CNTNAP3B: variants seen among roughly 807,000 people sequenced by gnomAD.
CNTNAP3B encodes the protein contactin-associated protein-like 3B.
Under a neutral mutation model 108.9 loss-of-function variants are expected in CNTNAP3B, and 25 were observed. The ratio of observed to expected loss-of-function variants is 0.23; its 90% CI spans 0.17 to 0.32. CNTNAP3B has a LOEUF of 0.32. CNTNAP3B is among the 10% of genes least tolerant of loss of function. The pLI is 1.00. For missense variants in CNTNAP3B, 252 were observed against 1,210.4 expected (o/e 0.21, Z 11.75); for synonymous variants, 103 against 473.4 (o/e 0.22, Z 10.16).
chr9:42,084,337 A>G (rs1229537767), intron 2 of CNTNAP3B, among the ~76,000 whole-genome samples: 1 of 119,688 alleles, frequency 8.4e-6, no homozygotes, highest in Non-Finnish European at 1.8e-5. Context: ...CAAATGGGGC[A>G]TATGCGGAGA....
At chr9:42,127,853 C>A (rs1383655870) in intron 1 of CNTNAP3B, among the ~76,000 whole-genome samples, 2 of 138,708 alleles carry the variant, frequency 1.4e-5, no homozygotes, top group Non-Finnish European at 3.1e-5. Flanking sequence ...CTTGAGCCCA[C>A]AGGCAGAACA....
chr9:41,959,973 A>T (rs374838315), intron 12 of CNTNAP3B: 1 of 151,992 alleles, frequency 6.6e-6, no homozygotes, highest in Admixed American at 6.6e-5. Flanking sequence ...TCTATAATCA[A>T]GCTGTGTTCA....
intron 9 of CNTNAP3B, among the ~76,000 whole-genome samples, chr9:41,982,593 GT>G (rs1479063590): frequency 5.4e-5 from 8 of 147,632 alleles, no homozygotes; most frequent in Non-Finnish European, 1.2e-4. Flanking sequence ...AGAAAAGGGA[GT>G]GCTTATACAC....
intron 1 of CNTNAP3B, among the ~76,000 whole-genome samples, chr9:42,124,204 A>G (rs1408957687): frequency 7.4e-6 from 1 of 135,088 alleles, no homozygotes; most frequent in Non-Finnish European, 1.6e-5. Context: ...GTATTATTAC[A>G]ACAAAAATGT....
In CNTNAP3B at chr9:42,129,311, G is replaced by A; in HGVS notation, c.-217C>T. 2.0e-6 allele frequency: 1 copy of A among 490,392 alleles called. No individual in the cohort carries two copies. The highest frequency in any genetic ancestry group is 2.8e-6 in the Non-Finnish European group (1 of 357,724). 30.4% of individuals were successfully genotyped at this position (490,392 alleles called of 1,614,324 possible). On this transcript the variant is annotated 5_prime_UTR_variant, in exon 1 of 24. Coordinates refer to ENST00000377561, the MANE Select transcript of CNTNAP3B (RefSeq NM_001201380.3). The stretch of plus-strand genomic sequence containing the variant: ...CGCGCCCGGCCCCAGCTGCGTCTCC[G>A]AGGTCGGCCCCGCGGGAGCCTGGGG...
chr9:41,930,638 A>G (rs1252749206), intron 14 of CNTNAP3B, among the ~76,000 whole-genome samples: 1 of 152,292 alleles, frequency 6.6e-6, no homozygotes, highest in African/African-American at 2.4e-5. Flanking sequence ...CAGAGTAAAA[A>G]ATATATTTTA....
At chr9:41,931,306 G>T (rs1166458684) in intron 14 of CNTNAP3B, among the ~76,000 whole-genome samples, 1 of 152,172 alleles carries the variant, frequency 6.6e-6, no homozygotes, top group African/African-American at 2.4e-5. Context: ...ACTTTGAGCA[G>T]TTATCCTCTG....
At chr9:41,930,264 C>T (rs1395117523) in intron 14 of CNTNAP3B, among the ~76,000 whole-genome samples, 8,740 of 147,186 alleles carry the variant, frequency 0.059, 10 homozygotes, top group East Asian at 0.13. Flanking sequence ...AAACACAGGC[C>T]GGGCACAGTG....
intron 13 of CNTNAP3B, among the ~76,000 whole-genome samples, chr9:41,948,794 C>G (rs1228225712): frequency 1.1e-4 from 13 of 113,248 alleles, no homozygotes; most frequent in African/African-American, 4.0e-4. Context: ...TGTCAGCCAA[C>G]CAGGAATAAA....
chr9:41,995,462 CA>C (rs1294327621), intron 7 of CNTNAP3B, among the ~76,000 whole-genome samples: 6 of 124,832 alleles, frequency 4.8e-5, no homozygotes, highest in Admixed American at 3.2e-4. Context: ...AAAACAAAAA[CA>C]AAAAAAGTGC....
chr9:41,942,597 C>A (rs1473261840), intron 13 of CNTNAP3B, among the ~76,000 whole-genome samples: 4 of 148,908 alleles, frequency 2.7e-5, no homozygotes, highest in Admixed American at 6.7e-5. Context: ...GGCTACAGAG[C>A]GAGACTCTCT....
intron 3 of CNTNAP3B, among the ~76,000 whole-genome samples, chr9:42,033,027 T>G (rs1826551216): frequency 6.8e-6 from 1 of 146,008 alleles, no homozygotes; most frequent in Admixed American, 6.8e-5. Context: ...ATATACATTT[T>G]GGAGGAACAG....
At chr9:41,946,026 A>T (rs1418801089) in intron 13 of CNTNAP3B, among the ~76,000 whole-genome samples, 1 of 152,242 alleles carries the variant, frequency 6.6e-6, no homozygotes, top group Non-Finnish European at 1.5e-5. Flanking sequence ...GGTCAATATA[A>T]CAAGAAGATA....
At chr9:41,952,716 C>T (rs1282484845) in intron 13 of CNTNAP3B, among the ~76,000 whole-genome samples, 2 of 150,478 alleles carry the variant, frequency 1.3e-5, no homozygotes, top group African/African-American at 4.9e-5. Context: ...CATCCTAGAC[C>T]ACAGTGAAAG....
At chr9:41,972,953 T>TC (rs1825449045) in intron 9 of CNTNAP3B, among the ~76,000 whole-genome samples, 1 of 79,748 alleles carries the variant, frequency 1.3e-5, no homozygotes, top group South Asian at 6.4e-4. Flanking sequence ...TTTTTTTTTT[T>TC]TGAGACCTGA....
At chr9:42,127,549 G>T (rs554649883) in intron 1 of CNTNAP3B, among the ~76,000 whole-genome samples, 1 of 139,426 alleles carries the variant, frequency 7.2e-6, no homozygotes, top group Non-Finnish European at 1.5e-5. Flanking sequence ...AATTACTCTA[G>T]CATGCCTTTC....
chr9:42,111,085 C>T (rs1828185300), intron 1 of CNTNAP3B, among the ~76,000 whole-genome samples: 1 of 138,460 alleles, frequency 7.2e-6, no homozygotes, highest in Admixed American at 7.2e-5. Flanking sequence ...CACCTGGGGC[C>T]AGCACAGGGA....
chr9:42,014,501 C>T (rs1826185530), intron 3 of CNTNAP3B, among the ~76,000 whole-genome samples: 1 of 110,260 alleles, frequency 9.1e-6, no homozygotes, highest in Non-Finnish European at 1.9e-5. Context: ...AAGAATGTAC[C>T]AGGCTTAGGG....
At chr9:42,122,269 A>C (rs1405975582) in intron 1 of CNTNAP3B, among the ~76,000 whole-genome samples, 1 of 140,026 alleles carries the variant, frequency 7.1e-6, no homozygotes, top group African/African-American at 2.8e-5. Context: ...GCTTAGTTTT[A>C]TTATAATTTT....
Sources: allele counts gnomAD v4.1 joint callset (sites outside exome capture counted in the v4.1 genomes callset), GRCh38; gene constraint gnomAD v4.1.1; transcripts MANE v1.5; gene names NCBI Gene and HGNC (gene_info 2026-07-23, HGNC 2026-07-21).